ABCC4: variants seen among roughly 807,000 people sequenced by gnomAD.
ABCC4 encodes ATP-binding cassette sub-family C member 4.
ABCC4 carries 102 observed loss-of-function variants against 168.5 expected under a neutral mutation model. The ratio of observed to expected loss-of-function variants is 0.61; its 90% CI spans 0.52 to 0.71. The LOEUF (loss-of-function observed/expected upper bound fraction) is 0.71, where lower values mean the gene tolerates loss of function less well. Among genes scored for constraint, ABCC4 ranks in the 30% least tolerant of loss-of-function variants. The pLI is 0.00. For synonymous variants in ABCC4, 617 were observed against 590.7 expected (o/e 1.04, Z -0.65); for missense variants, 1,402 against 1,605.8 (o/e 0.87, Z 2.17).
chr13:95,252,903 T>C (rs181212874), intron 1 of ABCC4, among the ~76,000 whole-genome samples: 2 of 152,338 alleles, frequency 1.3e-5, no homozygotes, highest in Admixed American at 1.3e-4. Context: ...ACTTTCTCTA[T>C]TTGGAAGCCA....
chr13:95,057,352 G>C (rs1157485090), intron 26 of ABCC4, among the ~76,000 whole-genome samples: 1 of 152,004 alleles, frequency 6.6e-6, no homozygotes, highest in African/African-American at 2.4e-5. Flanking sequence ...CAATTCTCCT[G>C]CTTCGGCCTC....
intron 3 of ABCC4, among the ~76,000 whole-genome samples, chr13:95,238,190 T>C (rs148098927): frequency 1.0e-5 from 1 of 98,804 alleles, no homozygotes. Flanking sequence ...CAAGACTCCA[T>C]CTCAGAAAAA....
At position 95,090,240 on chromosome 13, in the gene ABCC4, A is replaced by G. The variant is rs147864803; in HGVS notation, c.2536-6950T>C. On this transcript the variant is annotated intron_variant, in intron 20 of 30. Transcript: ENST00000645237. The stretch of plus-strand genomic sequence containing the variant: ...TCCAGGGAGTCCTAGGGTCCTGTGC[A>G]CTGCTAGTTCCTCTTCATGCTACCA... 1.6e-3 allele frequency among the ~76,000 whole-genome samples: 244 copies of G among 152,288 alleles called. 1 individual carries two copies. Among genetic ancestry groups the G allele is most frequent in the African/African-American group, 5.1e-3 (210 of 41,560 alleles).
intron 20 of ABCC4, among the ~76,000 whole-genome samples, chr13:95,094,717 A>G (rs1361790850): frequency 6.6e-6 from 1 of 152,238 alleles, no homozygotes; most frequent in East Asian, 1.9e-4. Flanking sequence ...AGGCACATTC[A>G]GCAGAGTGAA....
intron 20 of ABCC4, among the ~76,000 whole-genome samples, chr13:95,083,530 C>CT (rs372137669): frequency 0.016 from 2,231 of 138,702 alleles, 28 homozygotes; most frequent in African/African-American, 0.021. Context: ...TTTCCTTTTT[C>CT]TTTTTTTTTT....
chr13:95,061,594 T>TTTTGTGTGTG (rs1292383744), intron 26 of ABCC4, among the ~76,000 whole-genome samples: 1 of 133,908 alleles, frequency 7.5e-6, no homozygotes, highest in African/African-American at 2.8e-5. Flanking sequence ...GAATATGTGT[T>TTTTGTGTGTG]TGTGTGTGTG....
At chr13:95,257,629 C>T (rs2040424846) in intron 1 of ABCC4, among the ~76,000 whole-genome samples, 1 of 150,756 alleles carries the variant, frequency 6.6e-6, no homozygotes, top group Non-Finnish European at 1.5e-5. Context: ...TGCCATTGCA[C>T]TCCTGCCTGG....
rs1167087368 is a variant in ABCC4 at position 95,075,421 on chromosome 13, A to G, written c.2806+11T>C. On this transcript the variant is annotated intron_variant, in intron 22 of 30. Transcript: ENST00000645237. ...CCTGTCCTTTGAAACCATTTCCAGA[A>G]ATAGACAGACCTGAATGTAAATCCT... is the stretch of plus-strand genomic sequence containing the variant. The G allele has an allele frequency of 6.2e-7, 1 of 1,613,870 alleles. No homozygotes were observed. The highest frequency in any genetic ancestry group is 8.5e-7 in the Non-Finnish European group (1 of 1,179,954).
At position 95,144,356 on chromosome 13, in the gene ABCC4, G is replaced by T. The variant is rs182618746; in HGVS notation, c.2455+16833C>A. On this transcript the variant is annotated intron_variant, in intron 19 of 30. Transcript: ENST00000645237. ...CCTTGATAACCAGTAAGACAAGGAG[G>T]CCTACTCTCACTACACCTATTCAAT... Among the ~76,000 whole-genome samples the T allele has an allele frequency of 1.4e-3, 219 of 151,876 alleles. 2 individuals are homozygous for T. The highest frequency in any genetic ancestry group is 2.2e-4 in the Non-Finnish European group (15 of 67,992).
intron 4 of ABCC4, among the ~76,000 whole-genome samples, chr13:95,228,729 G>T (rs2039537200): frequency 6.7e-6 from 1 of 150,054 alleles, no homozygotes; most frequent in Non-Finnish European, 1.5e-5. Flanking sequence ...ATGCCACTGT[G>T]CTCTAGCCTG....
intron 4 of ABCC4, among the ~76,000 whole-genome samples, chr13:95,214,739 AG>A (rs1436557394): frequency 2.0e-5 from 3 of 152,046 alleles, no homozygotes; most frequent in African/African-American, 7.2e-5. Flanking sequence ...TACAAAAATT[AG>A]CCGGGCACAG....
At chr13:95,051,538 CTT>C (rs79194782) in intron 27 of ABCC4, among the ~76,000 whole-genome samples, 2 of 144,190 alleles carry the variant, frequency 1.4e-5, no homozygotes, top group Non-Finnish European at 3.1e-5. Context: ...CTGGCTAATT[CTT>C]TTTTTTTTTT....
intron 3 of ABCC4, among the ~76,000 whole-genome samples, chr13:95,239,073 T>C (rs2039855872): frequency 7.2e-6 from 1 of 138,866 alleles, no homozygotes; most frequent in South Asian, 2.6e-4. Flanking sequence ...TTAAACAAAA[T>C]AGTTTAACTA....
chr13:95,255,711 A>T (rs550633236), intron 1 of ABCC4, among the ~76,000 whole-genome samples: 76 of 152,276 alleles, frequency 5.0e-4, no homozygotes, highest in Non-Finnish European at 5.0e-4. Flanking sequence ...TGTCAACCTA[A>T]GCAACAGGCA....
Position 95,062,726 on chromosome 13 carries a change from T to C in ABCC4, c.3344A>G (p.Lys1115Arg). Residue 1115 changes from lysine to arginine, a missense_variant, in exon 26 of 31, where the codon AAG (lysine) becomes AGG (arginine). By Grantham distance (26) the Lys-to-Arg change is conservative (BLOSUM62 2). Transcript: ENST00000645237. The part of the protein sequence containing the change: ...TTEIGLHDLR[K>R]KMSIIPQEPV... ...TACCTGAGGTATGATTGACATCTTC[T>C]TCCTTAAATCGTGAAGTCCAATTTC... is the stretch of plus-strand genomic sequence containing the variant. The C allele has an allele frequency of 6.2e-7, 1 of 1,613,960 alleles. No homozygotes were observed. The highest frequency in any genetic ancestry group is 8.5e-7 in the Non-Finnish European group (1 of 1,179,958).
chr13:95,055,943 A>T (rs146782159), intron 26 of ABCC4: 2 of 152,250 alleles, frequency 1.3e-5, no homozygotes, highest in African/African-American at 4.8e-5. Flanking sequence ...GCCGCTCTGA[A>T]TCAAAGCATT....
At chr13:95,064,486 T>C (rs1197975416) in intron 25 of ABCC4, among the ~76,000 whole-genome samples, 9 of 129,882 alleles carry the variant, frequency 6.9e-5, no homozygotes, top group African/African-American at 2.0e-4. Flanking sequence ...CTCACACACA[T>C]ACACACACAC....
Position 95,186,708 on chromosome 13 carries a change from A to T in ABCC4, c.1538T>A (p.Leu513Gln). Residue 513 changes from leucine (L) to glutamine (Q), a missense_variant, in exon 11 of 31, where the codon CTG (leucine) becomes CAG (glutamine). Leu to Gln is a moderately radical substitution (Grantham distance 113, BLOSUM62 -2). Around this residue, in one of 3 missense-constraint regions of ABCC4, gnomAD observed 1,007 missense variants for 1,127.3 expected, o/e 0.89. Coordinates refer to ENST00000645237, the MANE Select transcript of ABCC4 (RefSeq NM_005845.5). ...CCAAAAGTCATCACTCACCTTTTTCAGAGCACAAGCCTTTATGACTTTTTC... is the reference window on the plus strand; with the variant it reads ...CCAAAAGTCATCACTCACCTTTTTCTGAGCACAAGCCTTTATGACTTTTTC... ...RYEKVIKACA[L>Q]KKDLQLLEDG... 1 of 1,612,214 alleles carries T rather than the reference A, an allele frequency of 6.2e-7. No individual in the cohort carries two copies. Among genetic ancestry groups the T allele is most frequent in the African/African-American group, 1.3e-5 (1 of 74,926 alleles).
chr13:95,289,856 G>A (rs1326741906), intron 1 of ABCC4, among the ~76,000 whole-genome samples: 1 of 152,092 alleles, frequency 6.6e-6, no homozygotes, highest in Non-Finnish European at 1.5e-5. Flanking sequence ...CAGCATTTTG[G>A]GAGGCCAAGG....
Sources: allele counts gnomAD v4.1 joint callset (sites outside exome capture counted in the v4.1 genomes callset), GRCh38; gene constraint gnomAD v4.1.1; regional missense constraint gnomAD v4.1.1; transcripts MANE v1.5; gene names NCBI Gene and HGNC (gene_info 2026-07-23, HGNC 2026-07-21).